The following NRCAM variants were observed in gnomAD, a reference collection of about 807,000 sequenced individuals.
The protein encoded by NRCAM is NgCAM-related cell adhesion molecule.
NRCAM carries 83 observed loss-of-function variants against 156.5 expected under a neutral mutation model. That is an observed-to-expected ratio of 0.53 (90% confidence interval 0.44 to 0.64). The LOEUF (loss-of-function observed/expected upper bound fraction) is 0.64, where lower values mean the gene tolerates loss of function less well. Ranked by LOEUF, NRCAM falls within the 30% of genes least tolerant of loss-of-function variation. The pLI, the probability that NRCAM is intolerant of heterozygous loss-of-function variation, is 0.00. For synonymous variants in NRCAM, 538 were observed against 563.9 expected (o/e 0.95, Z 0.65); for missense variants, 1,417 against 1,597.3 (o/e 0.89, Z 1.92).
chr7:108,330,790 C>T (rs948229594), intron 2 of NRCAM, among the ~76,000 whole-genome samples: 2 of 152,124 alleles, frequency 1.3e-5, no homozygotes, highest in African/African-American at 4.8e-5. Flanking sequence ...ATTTTAAGCT[C>T]ATCAGGTTAT....
intron 2 of NRCAM, among the ~76,000 whole-genome samples, chr7:108,366,008 T>C (rs776851603): frequency 1.3e-5 from 2 of 152,290 alleles, no homozygotes; most frequent in Admixed American, 6.5e-5. Context: ...AGAGCTCTCA[T>C]GGAGGAGACT....
intron 13 of NRCAM, among the ~76,000 whole-genome samples, chr7:108,200,962 T>C (rs1475231289): frequency 6.6e-6 from 1 of 151,982 alleles, no homozygotes; most frequent in African/African-American, 2.4e-5. Context: ...AAGAATGATA[T>C]ATTGAACTTT....
intron 30 of NRCAM, among the ~76,000 whole-genome samples, chr7:108,162,760 A>G (rs937299878): frequency 2.6e-5 from 4 of 152,244 alleles, no homozygotes; most frequent in Admixed American, 2.6e-4. Flanking sequence ...ATAGGCAGAC[A>G]CAATATGGTA....
chr7:108,405,600 T>C (rs1307234262), intron 1 of NRCAM, among the ~76,000 whole-genome samples: 2 of 152,234 alleles, frequency 1.3e-5, no homozygotes, highest in East Asian at 3.8e-4. Context: ...GACCCTGTTG[T>C]GGCATGGCCT....
chr7:108,241,700 A>G (rs1178013530), intron 3 of NRCAM, among the ~76,000 whole-genome samples: 1 of 152,098 alleles, frequency 6.6e-6, no homozygotes, highest in Non-Finnish European at 1.5e-5. Flanking sequence ...GAAAGGAGAA[A>G]AGGGGAAAGA....
chr7:108,329,217 T>C (rs548489772), intron 2 of NRCAM, among the ~76,000 whole-genome samples: 1 of 152,314 alleles, frequency 6.6e-6, no homozygotes, highest in East Asian at 1.9e-4. Context: ...TTATTATTCT[T>C]CTTCTAAGCC....
intron 25 of NRCAM, 52 bp downstream of exon 25, chr7:108,180,171 C>T: frequency 6.5e-7 from 1 of 1,547,048 alleles, no homozygotes; most frequent in Non-Finnish European, 8.9e-7. Context: ...GGCAAAACCT[C>T]TCAGGCCATG....
At chr7:108,291,710 G>C (rs2098296255) in intron 3 of NRCAM, among the ~76,000 whole-genome samples, 1 of 152,120 alleles carries the variant, frequency 6.6e-6, no homozygotes, top group Non-Finnish European at 1.5e-5. Context: ...CAGAGCGACA[G>C]AGAGAGAAGA....
rs766614384 is a variant in NRCAM, at chr7:108,159,625, C to T, written c.3599-84G>A. 15 of 1,013,148 alleles carry T rather than the reference C, an allele frequency of 1.5e-5. No homozygotes were observed. The Middle Eastern group carries it at 7.3e-4, about 49-fold the overall frequency. 62.8% of individuals were successfully genotyped at this position (1,013,148 alleles called of 1,614,324 possible). ...CCATGAAAGCATTCTTTGAGATATA[C>T]AGCAGTGAAAAATAATTCCATACAC... On this transcript the variant is annotated intron_variant, in intron 31 of 32. Transcript: ENST00000379028.
intron 13 of NRCAM, among the ~76,000 whole-genome samples, chr7:108,205,585 C>T (rs1408349964): frequency 6.6e-6 from 1 of 152,198 alleles, no homozygotes; most frequent in African/African-American, 2.4e-5. Context: ...TGGTTCCTTC[C>T]ACTTGTCAGT....
intron 3 of NRCAM, among the ~76,000 whole-genome samples, chr7:108,308,762 A>C (rs1205369647): frequency 6.6e-6 from 1 of 152,170 alleles, no homozygotes; most frequent in Non-Finnish European, 1.5e-5. Flanking sequence ...TGAGCAGCCC[A>C]GAGTGGTGGG....
chr7:108,300,160 CTTTTTTTTTTTTTTT>C (rs10665036), intron 3 of NRCAM, among the ~76,000 whole-genome samples: 1,753 of 65,936 alleles, frequency 0.027, 76 homozygotes, highest in African/African-American at 0.092. Flanking sequence ...TTTCTGTTGA[CTTTTTTTTTTTTTTT>C]TTTTTTTTTT....
At chr7:108,410,878 G>C (rs1463029247) in intron 1 of NRCAM, among the ~76,000 whole-genome samples, 1 of 152,116 alleles carries the variant, frequency 6.6e-6, no homozygotes, top group Non-Finnish European at 1.5e-5. Context: ...AAAACGCCTT[G>C]TTTGCTATGT....
At chr7:108,370,328 C>T (rs147351159) in intron 2 of NRCAM, among the ~76,000 whole-genome samples, 4 of 152,200 alleles carry the variant, frequency 2.6e-5, no homozygotes, top group South Asian at 2.1e-4. Context: ...GCTTTCTTTG[C>T]GTCTTACTTT....
intron 2 of NRCAM, among the ~76,000 whole-genome samples, chr7:108,379,680 G>T (rs1473170196): frequency 1.3e-5 from 2 of 151,926 alleles, no homozygotes; most frequent in Non-Finnish European, 2.9e-5. Context: ...TGACCAGGCA[G>T]ATGTACAAAA....
intron 1 of NRCAM, among the ~76,000 whole-genome samples, chr7:108,439,758 C>T (rs1173442574): frequency 7.1e-6 from 1 of 139,894 alleles, no homozygotes; most frequent in East Asian, 2.2e-4. Flanking sequence ...CACTTGAACC[C>T]GGAGGCAGAG....
At chr7:108,343,783 A>G (rs578127853) in intron 2 of NRCAM, among the ~76,000 whole-genome samples, 25 of 152,178 alleles carry the variant, frequency 1.6e-4, no homozygotes, top group Non-Finnish European at 3.4e-4. Context: ...TTTCAAAACT[A>G]TCAAGCAGAT....
At chr7:108,347,080 C>G (rs1489587777) in intron 2 of NRCAM, among the ~76,000 whole-genome samples, 1 of 141,514 alleles carries the variant, frequency 7.1e-6, no homozygotes, top group Non-Finnish European at 1.5e-5. Flanking sequence ...CTCTGTCGCC[C>G]AGGCTGGAGT....
chr7:108,251,378 G>C (rs2096336600), intron 3 of NRCAM, among the ~76,000 whole-genome samples: 1 of 152,078 alleles, frequency 6.6e-6, no homozygotes, highest in Non-Finnish European at 1.5e-5. Context: ...TATATTAAAG[G>C]AATCATAAAG....
Sources: allele counts gnomAD v4.1 joint callset (sites outside exome capture counted in the v4.1 genomes callset), GRCh38; gene constraint gnomAD v4.1.1; transcripts MANE v1.5; gene names NCBI Gene and HGNC (gene_info 2026-07-23, HGNC 2026-07-21).